HMCN2: variants seen among roughly 807,000 people sequenced by gnomAD.
HMCN2 encodes hemicentin-2.
In HMCN2, 325 loss-of-function variants were observed where a neutral mutation model predicts 377.5. The observed-to-expected ratio is 0.86, with a 90% confidence interval of 0.79 to 0.94. The LOEUF (loss-of-function observed/expected upper bound fraction) is 0.94, where lower values mean the gene tolerates loss of function less well. Ranked by LOEUF, HMCN2 falls within the 40% of genes least tolerant of loss-of-function variation. The probability of loss-of-function intolerance (pLI) is 0.00; values close to 1 mark genes in which losing one functional copy is unlikely to be tolerated. For missense variants in HMCN2, 4,543 were observed against 4,725.3 expected (o/e 0.96, Z 1.13); for synonymous variants, 2,007 against 2,046.8 (o/e 0.98, Z 0.53).
chr9:130,338,003 T>C lies in HMCN2; in HGVS notation c.3469T>C (p.Tyr1157His). ...SNPAGSASHR[Y>H]VLGVQVPPQV... ...CCCCGCCGGGTCCGCCTCCCATCGC[T>C]ACGTCCTTGGGGTGCAAGGTAGGAC... The change falls in exon 23 of 98, where the codon TAC becomes CAC. Residue 1157 changes from tyrosine to histidine, a missense_variant. Transcript: ENST00000683500. 1 of 152,680 alleles carries C rather than the reference T, an allele frequency of 6.5e-6. No individual in the cohort carries two copies. The highest frequency in any genetic ancestry group is 1.5e-5 in the Non-Finnish European group (1 of 68,290). The allele number at this position is 152,680 out of a possible 1,614,324, so 9.5% of individuals were successfully genotyped here.
intron 85 of HMCN2, among the ~76,000 whole-genome samples, chr9:130,411,675 G>A (rs1843420572): frequency 6.6e-6 from 1 of 151,618 alleles, no homozygotes; most frequent in East Asian, 1.9e-4. Flanking sequence ...TGAACCTTGA[G>A]GTCATTATGC....
chr9:130,419,223 C>T, intron 86 of HMCN2, 182 bp downstream of exon 86: 1 of 519,706 alleles, frequency 1.9e-6, no homozygotes, highest in East Asian at 3.3e-5. Context: ...TAAACTGAAT[C>T]TTGGAGGTGC....
chr9:130,408,086 G>A (rs1407668240), intron 83 of HMCN2, among the ~76,000 whole-genome samples: 1 of 152,194 alleles, frequency 6.6e-6, no homozygotes, highest in African/African-American at 2.4e-5. Context: ...CCAGCCAGTT[G>A]TCCCCTATGA....
At position 130,433,408 on chromosome 9, in the gene HMCN2, C is replaced by T. The variant is rs934686596; in HGVS notation, c.14955C>T (p.Tyr4985=). Residue 4985 remains tyrosine, a synonymous_variant, in exon 98 of 98, where the codon TAC becomes TAT. Coordinates refer to ENST00000683500, the MANE Select transcript of HMCN2 (RefSeq NM_001291815.2). Reference sequence around the variant, plus strand: ...CGGGCGGCCCCTCTACGCTGCAGTACCGGCTGCTGCCGCTGCCCCTGGGCG... The same window carrying T: ...CGGGCGGCCCCTCTACGCTGCAGTATCGGCTGCTGCCGCTGCCCCTGGGCG... ...CGTGGPSTLQ[Y]RLLPLPLGVR... The T allele has an allele frequency of 2.0e-5, 30 of 1,493,208 alleles. No individual in the cohort carries two copies. Among genetic ancestry groups the T allele is most frequent in the Non-Finnish European group, 2.4e-5 (27 of 1,129,750 alleles). The allele number at this position is 1,493,208 out of a possible 1,614,324, so 92.5% of individuals were successfully genotyped here.
At position 130,357,818 on chromosome 9, in the gene HMCN2, C is replaced by T; in HGVS notation, c.5426-16C>T. ...TGATTCTGACTCGGGCTCTTCCTGA[C>T]TCTTTCCCTTCCCAGAGTTCCCATC... On this transcript the variant is annotated splice_polypyrimidine_tract_variant and intron_variant, in intron 34 of 97. Coordinates refer to ENST00000683500, the MANE Select transcript of HMCN2 (RefSeq NM_001291815.2). The T allele has an allele frequency of 7.7e-7, 1 of 1,299,640 alleles. No individual in the cohort carries two copies. The highest frequency in any genetic ancestry group is 1.2e-5 in the South Asian group (1 of 80,198). The allele number at this position is 1,299,640 out of a possible 1,614,324, so 80.5% of individuals were successfully genotyped here. A position where few individuals can be genotyped will look rare whatever the true frequency, so the allele number is the denominator to read the frequency against.
At position 130,422,744 on chromosome 9, in the gene HMCN2, C is replaced by A. The variant is rs769761699; in HGVS notation, c.13381+18C>A. The A allele has an allele frequency of 2.4e-6, 3 of 1,269,190 alleles. No homozygotes were observed. Among genetic ancestry groups the A allele is most frequent in the Non-Finnish European group, 3.0e-6 (3 of 999,320 alleles). 78.6% of individuals were successfully genotyped at this position (1,269,190 alleles called of 1,614,324 possible). On this transcript the variant is annotated intron_variant, in intron 87 of 97. Coordinates refer to ENST00000683500, the MANE Select transcript of HMCN2 (RefSeq NM_001291815.2). The surrounding 1 kb of genome is among the most constrained non-coding windows in gnomAD (Gnocchi z 4.2). ...AAACGTGGGTGAGTGGAAGGCAGAG[C>A]ATCACCTGCCTCTGGGTTATTGTCA...
chr9:130,385,963 C>T (rs1300730287), intron 60 of HMCN2, among the ~76,000 whole-genome samples: 1 of 152,192 alleles, frequency 6.6e-6, no homozygotes, highest in East Asian at 1.9e-4. Context: ...GTTCCAGACC[C>T]AGCCCTGCAG....
In HMCN2 at chr9:130,425,054, A is replaced by C. The variant is rs1363558658; in HGVS notation, c.13565A>C (p.Asp4522Ala). 1 of 1,550,136 alleles carries C rather than the reference A, an allele frequency of 6.5e-7. No individual in the cohort carries two copies. Among genetic ancestry groups the C allele is most frequent in the African/African-American group, 1.4e-5 (1 of 73,148 alleles). ...CAGGTGGCCCGGGGTCTGGATCCCG[A>C]TGGCCTCCTGCTCCTCGACGTGGTG... ...MTQVARGLDP[D>A]GLLLLDVVVN... Residue 4522 changes from aspartate (D) to alanine (A), a missense_variant, in exon 89 of 98, where the codon GAT (aspartate) becomes GCT (alanine). Transcript: ENST00000683500.
At chr9:130,426,003 T>C in intron 90 of HMCN2, 79 bp downstream of exon 90, 1 of 1,098,654 alleles carries the variant, frequency 9.1e-7, no homozygotes, top group Non-Finnish European at 1.3e-6. Context: ...GTGGCTGGAA[T>C]CCACCCCTGC....
intron 15 of HMCN2, among the ~76,000 whole-genome samples, chr9:130,311,715 C>A (rs944591298): frequency 2.4e-4 from 37 of 152,240 alleles, no homozygotes; most frequent in South Asian, 2.1e-3. Context: ...GGGAATAGCA[C>A]GTGCAGCCCT....
At position 130,361,545 on chromosome 9, in the gene HMCN2, G is replaced by C. The variant is rs1483434907; in HGVS notation, c.5951-463G>C. On this transcript the variant is annotated intron_variant, in intron 38 of 97. Transcript: ENST00000683500. The surrounding 1 kb of genome is among the most constrained non-coding windows in gnomAD (Gnocchi z 4.8). ...GCAGTGGGTAGCTGGGCAGAGGCCT[G>C]GGACCCTGGGCATCATGGCTGGTGC... is the stretch of plus-strand genomic sequence containing the variant. Among the ~76,000 whole-genome samples, 1 of 152,220 alleles carries C rather than the reference G, an allele frequency of 6.6e-6. No individual in the cohort carries two copies. The highest frequency in any genetic ancestry group is 2.4e-5 in the African/African-American group (1 of 41,454).
chr9:130,344,035 A>G (rs900956439), intron 25 of HMCN2, among the ~76,000 whole-genome samples: 36 of 152,102 alleles, frequency 2.4e-4, no homozygotes, highest in African/African-American at 8.0e-4. Flanking sequence ...GACCCTGGGC[A>G]GCAGCTGGTG....
chr9:130,350,919 G>A (rs1451699060), intron 29 of HMCN2, among the ~76,000 whole-genome samples: 9 of 152,010 alleles, frequency 5.9e-5, no homozygotes, highest in Non-Finnish European at 1.2e-4. Flanking sequence ...AAAAAAAGGT[G>A]TGCAGTGTAG....
intron 45 of HMCN2, among the ~76,000 whole-genome samples, chr9:130,370,222 G>C (rs1254062870): frequency 1.3e-5 from 2 of 152,138 alleles, no homozygotes; most frequent in Admixed American, 1.3e-4. Context: ...AATACTGTTG[G>C]GGCAGGTCAG....
In HMCN2 at chr9:130,385,661, G is replaced by T. The variant is rs571592638; in HGVS notation, c.9208G>T (p.Glu3070Ter). ...VLSCETDALP[E>*]PTVTWYKDGQ... ...GAGCTGCGAGACAGATGCGCTCCCT[G>T]AGCCAACTGTGACCTGGTACAAGGA... is the stretch of plus-strand genomic sequence containing the variant. Residue 3070 changes from glutamate (E) to a stop codon, truncating the protein, a stop_gained, in exon 60 of 98, where the codon GAG (glutamate) becomes TAG (stop). Transcript: ENST00000683500. LOFTEE classifies it high-confidence loss of function. The T allele has an allele frequency of 7.3e-5, 95 of 1,304,122 alleles. No homozygotes were observed. Among genetic ancestry groups the T allele is most frequent in the Non-Finnish European group, 9.5e-5 (94 of 988,920 alleles). 80.8% of individuals were successfully genotyped at this position (1,304,122 alleles called of 1,614,324 possible). A position where few individuals can be genotyped will look rare whatever the true frequency, so the allele number is the denominator to read the frequency against.
At position 130,327,396 on chromosome 9, in the gene HMCN2, G is replaced by A. The variant is rs1838199844; in HGVS notation, c.3280G>A (p.Asp1094Asn). ...GAAGGCTGGCGAAGAGGTGACCCTGGACTGCGAGGCCAAGGGCTCCCCACC... is the reference window on the plus strand; with the variant it reads ...GAAGGCTGGCGAAGAGGTGACCCTGAACTGCGAGGCCAAGGGCTCCCCACC... ...TAKAGEEVTL[D>N]CEAKGSPPPL... Residue 1094 changes from aspartate (D) to asparagine (N), a missense_variant, in exon 22 of 98, where the codon GAC becomes AAC. Transcript: ENST00000683500. The A allele has an allele frequency of 6.6e-6, 1 of 152,442 alleles. No homozygotes were observed. Among genetic ancestry groups the A allele is most frequent in the East Asian group, 1.9e-4 (1 of 5,178 alleles). The allele number at this position is 152,442 out of a possible 1,614,324, so 9.4% of individuals were successfully genotyped here. A position where few individuals can be genotyped will look rare whatever the true frequency, so the allele number is the denominator to read the frequency against.
intron 59 of HMCN2, 94 bp from the exon 60 acceptor site, chr9:130,385,466 C>T (rs1208238612): frequency 7.9e-6 from 7 of 884,364 alleles, no homozygotes; most frequent in South Asian, 6.0e-5. Flanking sequence ...TGCTGTGTGA[C>T]CCTGGTGGGT....
intron 55 of HMCN2, 33 bp from the exon 56 acceptor site, chr9:130,382,646 C>G: frequency 5.0e-5 from 26 of 523,164 alleles, no homozygotes; most frequent in East Asian, 1.5e-4. Flanking sequence ...GGGACCTGTG[C>G]CAGCCCCTCA....
chr9:130,343,222 T>A (rs1839158275), intron 25 of HMCN2, among the ~76,000 whole-genome samples: 2 of 152,152 alleles, frequency 1.3e-5, no homozygotes, highest in Non-Finnish European at 2.9e-5. Context: ...TCTTTCGGCG[T>A]TGGGCTCCTG....
Sources: gnomAD v4.1 joint callset for allele counts (sites outside exome capture counted in the v4.1 genomes callset) on GRCh38, gnomAD v4.1.1 for gene constraint, Gnocchi (gnomAD v3.1) non-coding constraint, MANE v1.5 for transcripts, NCBI Gene and HGNC (gene_info 2026-07-23, HGNC 2026-07-21) for gene names.